CDH8: variants seen among roughly 807,000 people sequenced by gnomAD.
The protein encoded by CDH8 is cadherin 8, also known as cadherin-8.
CDH8 carries 17 observed loss-of-function variants against 68.1 expected under a neutral mutation model. The observed-to-expected ratio is 0.25, with a 90% CI of 0.17 to 0.37. The LOEUF is 0.37. CDH8 is among the 10% of genes least tolerant of loss of function. The pLI, the probability that CDH8 is intolerant of heterozygous loss-of-function variation, is 1.00. For missense variants in CDH8, 763 were observed against 999.3 expected (o/e 0.76, Z 3.19); for synonymous variants, 372 against 365.1 (o/e 1.02, Z -0.21).
intron 10 of CDH8, among the ~76,000 whole-genome samples, chr16:61,694,897 T>C (rs1470961974): frequency 6.6e-6 from 1 of 152,028 alleles, no homozygotes; most frequent in East Asian, 1.9e-4. Flanking sequence ...TTCTCCTGCC[T>C]CAGCCTCCCG....
chr16:61,676,106 G>A (rs1215886722), intron 10 of CDH8, among the ~76,000 whole-genome samples: 2 of 143,704 alleles, frequency 1.4e-5, no homozygotes, highest in African/African-American at 2.6e-5. Context: ...TGCATGACTA[G>A]ATTTAAAAAC....
intron 3 of CDH8, among the ~76,000 whole-genome samples, chr16:61,863,969 C>A (rs1249942350): frequency 6.6e-6 from 1 of 152,178 alleles, no homozygotes; most frequent in African/African-American, 2.4e-5. Flanking sequence ...GAGCCCTCAA[C>A]CCAACTCCTC....
rs145477874 is a variant in CDH8, at chr16:61,899,162, T to G, written c.547+2017A>C. Among the ~76,000 whole-genome samples, 4 of 152,222 alleles carry G rather than the reference T, an allele frequency of 2.6e-5. No individual in the cohort carries two copies. The East Asian group carries it at 7.7e-4, about 29-fold the overall frequency. Reference sequence around the variant, plus strand: ...CACCCTGACAGGCCCCGGTGTGTGATGTTTCCTTCCCTGTGTCCATGTGTT... The same window carrying G: ...CACCCTGACAGGCCCCGGTGTGTGAGGTTTCCTTCCCTGTGTCCATGTGTT... On this transcript the variant is annotated intron_variant, in intron 3 of 11. Transcript: ENST00000577390.
intron 2 of CDH8, among the ~76,000 whole-genome samples, chr16:61,969,224 G>A (rs1965300752): frequency 2.0e-5 from 3 of 152,194 alleles, no homozygotes. Context: ...GTGCTGTGGA[G>A]TGAGGATGGG....
At chr16:61,814,548 G>GT (rs1381990234) in intron 7 of CDH8, among the ~76,000 whole-genome samples, 1 of 152,186 alleles carries the variant, frequency 6.6e-6, no homozygotes, top group Non-Finnish European at 1.5e-5. Flanking sequence ...ACAAATAACT[G>GT]TATGTTTTAG....
intron 10 of CDH8, among the ~76,000 whole-genome samples, chr16:61,684,909 G>C (rs188568700): frequency 7.4e-4 from 112 of 151,980 alleles, no homozygotes; most frequent in African/African-American, 2.5e-3. Flanking sequence ...GTTAACTCCA[G>C]ACTCTTGGCT....
rs145905684 is a variant in CDH8 at position 61,689,893 on chromosome 16, C to T, written c.1654+23948G>A. On this transcript the variant is annotated intron_variant, in intron 10 of 11. Coordinates refer to ENST00000577390, the MANE Select transcript of CDH8 (RefSeq NM_001796.5). ...TCAACTACTTTGCTCAAGGTTACAT[C>T]ACTAATATATGTTATAGGTAGGATA... is the stretch of plus-strand genomic sequence containing the variant. Among the ~76,000 whole-genome samples, 453 of 151,982 alleles carry T rather than the reference C, an allele frequency of 3.0e-3. 3 individuals are homozygous for T. The highest frequency in any genetic ancestry group is 0.011 in the African/African-American group (437 of 41,484).
chr16:62,036,354 G>A lies in CDH8; in HGVS notation c.-474C>T, dbSNP rs1902460042. 6.5e-6 allele frequency: 1 copy of A among 152,812 alleles called. No individual in the cohort carries two copies. Among genetic ancestry groups the A allele is most frequent in the Non-Finnish European group, 1.5e-5 (1 of 68,550 alleles). The allele number at this position is 152,812 out of a possible 1,614,324, so 9.5% of individuals were successfully genotyped here. ...CCGGCGGCGGCGGCGGAGCTTGGAG[G>A]AGGCAGGGAGATTCCAAATAAATCC... On this transcript the variant is annotated 5_prime_UTR_variant, in exon 1 of 12. Transcript: ENST00000577390.
intron 3 of CDH8, among the ~76,000 whole-genome samples, chr16:61,880,398 T>C (rs1390098779): frequency 6.6e-6 from 1 of 152,158 alleles, no homozygotes; most frequent in Non-Finnish European, 1.5e-5. Context: ...TGTGAAGATG[T>C]TGGCATGATT....
At chr16:61,809,645 C>A (rs1360757807) in intron 7 of CDH8, among the ~76,000 whole-genome samples, 1 of 152,142 alleles carries the variant, frequency 6.6e-6, no homozygotes, top group Admixed American at 6.5e-5. Context: ...TCATAGACAA[C>A]ACAGTCTATT....
At chr16:61,687,505 T>C (rs1345570010) in intron 10 of CDH8, among the ~76,000 whole-genome samples, 2 of 151,956 alleles carry the variant, frequency 1.3e-5, no homozygotes, top group Non-Finnish European at 2.9e-5. Flanking sequence ...TTCAATTTAA[T>C]GGATATTATA....
chr16:61,820,317 T>TG (rs1286374850), intron 6 of CDH8, among the ~76,000 whole-genome samples: 1 of 145,358 alleles, frequency 6.9e-6, no homozygotes, highest in African/African-American at 2.5e-5. Context: ...CTGTTTGGTT[T>TG]TTTTTTTTTT....
chr16:61,872,894 A>G (rs576637381), intron 3 of CDH8, among the ~76,000 whole-genome samples: 1 of 152,328 alleles, frequency 6.6e-6, no homozygotes, highest in Admixed American at 6.5e-5. Context: ...AGAAGCAAGA[A>G]GGCTGGGCTT....
chr16:61,951,340 T>A (rs371842583), intron 2 of CDH8, among the ~76,000 whole-genome samples: 1 of 151,698 alleles, frequency 6.6e-6, no homozygotes, highest in East Asian at 2.0e-4. Flanking sequence ...CAAAACCCAG[T>A]CTTTACTAAA....
At chr16:61,691,127 G>C (rs189904358) in intron 10 of CDH8, among the ~76,000 whole-genome samples, 4 of 152,092 alleles carry the variant, frequency 2.6e-5, no homozygotes, top group African/African-American at 9.6e-5. Context: ...CACACACCTT[G>C]AGAAGTCAGT....
At chr16:61,994,203 C>CT (rs1472229767) in intron 2 of CDH8, among the ~76,000 whole-genome samples, 1 of 152,098 alleles carries the variant, frequency 6.6e-6, no homozygotes, top group African/African-American at 2.4e-5. Context: ...TCACTCTTAC[C>CT]CTTTCCTCTT....
intron 8 of CDH8, among the ~76,000 whole-genome samples, chr16:61,751,369 T>C (rs1960153139): frequency 8.9e-6 from 1 of 112,206 alleles, no homozygotes; most frequent in Non-Finnish European, 1.7e-5. Context: ...CAAATGTCCT[T>C]CCATATTCTC....
At chr16:61,862,494 C>T (rs956547875) in intron 3 of CDH8, among the ~76,000 whole-genome samples, 2 of 152,158 alleles carry the variant, frequency 1.3e-5, no homozygotes, top group African/African-American at 4.8e-5. Flanking sequence ...TGCCTGATGT[C>T]TGGCTTCCTG....
chr16:61,698,630 A>C (rs1030996578), intron 10 of CDH8, among the ~76,000 whole-genome samples: 1 of 152,194 alleles, frequency 6.6e-6, no homozygotes, highest in African/African-American at 2.4e-5. Context: ...TCGCTTCTGT[A>C]AGTCCAACAT....
Sources: allele counts gnomAD v4.1 joint callset (sites outside exome capture counted in the v4.1 genomes callset), GRCh38; gene constraint gnomAD v4.1.1; transcripts MANE v1.5; gene names NCBI Gene and HGNC (gene_info 2026-07-23, HGNC 2026-07-21).